The following TMEM74 variants were observed in gnomAD, a reference collection of about 807,000 sequenced individuals.
The protein encoded by TMEM74 is transmembrane protein 74.
A neutral mutation model predicts 18.1 loss-of-function variants in TMEM74; 13 were observed. The ratio of observed to expected loss-of-function variants is 0.72; its 90% CI spans 0.47 to 1.14. The LOEUF (loss-of-function observed/expected upper bound fraction) is 1.14. Among genes scored for constraint, TMEM74 ranks in the 50% most tolerant of loss-of-function variants. The pLI is 0.00. For missense variants in TMEM74, 372 were observed against 375.9 expected (o/e 0.99, Z 0.09); for synonymous variants, 159 against 146.6 (o/e 1.08, Z -0.61).
At chr8:108,764,322 A>G (rs1330578810) in intron 1 of TMEM74, among the ~76,000 whole-genome samples, 3 of 152,176 alleles carry the variant, frequency 2.0e-5, no homozygotes, top group Admixed American at 6.5e-5. Flanking sequence ...GTCAGGACTA[A>G]ACAAACAAAC....
At chr8:108,629,889 T>C (rs1274962953) in intron 2 of TMEM74, among the ~76,000 whole-genome samples, 1 of 151,842 alleles carries the variant, frequency 6.6e-6, no homozygotes, top group Non-Finnish European at 1.5e-5. Flanking sequence ...CACACCAAAA[T>C]ATAAAAACCA....
chr8:108,665,755 T>C (rs1253111546), intron 1 of TMEM74, among the ~76,000 whole-genome samples: 1 of 152,136 alleles, frequency 6.6e-6, no homozygotes, highest in Non-Finnish European at 1.5e-5. Flanking sequence ...ACTTCTTTAT[T>C]GAATAGATAA....
chr8:108,629,360 G>T (rs1812527519), intron 2 of TMEM74, among the ~76,000 whole-genome samples: 1 of 151,974 alleles, frequency 6.6e-6, no homozygotes, highest in Non-Finnish European at 1.5e-5. Context: ...ATGATTGATT[G>T]GTATACCTGA....
At chr8:108,609,845 G>T (rs1471969385) in intron 2 of TMEM74, among the ~76,000 whole-genome samples, 1 of 152,144 alleles carries the variant, frequency 6.6e-6, no homozygotes, top group African/African-American at 2.4e-5. Context: ...TCAAGCAATT[G>T]CTTAAGCATG....
chr8:108,758,316 T>G (rs1470528764), intron 1 of TMEM74, among the ~76,000 whole-genome samples: 1 of 152,018 alleles, frequency 6.6e-6, no homozygotes, highest in African/African-American at 2.4e-5. Flanking sequence ...TCCCTAAAAT[T>G]TATATCCTCT....
chr8:108,675,481 T>C (rs1184686612), intron 1 of TMEM74, among the ~76,000 whole-genome samples: 5 of 152,172 alleles, frequency 3.3e-5, no homozygotes, highest in Non-Finnish European at 4.4e-5. Flanking sequence ...CTGCCATCTA[T>C]GTCCATCGAA....
intron 1 of TMEM74, among the ~76,000 whole-genome samples, chr8:108,656,596 T>C (rs1812823735): frequency 6.6e-6 from 1 of 152,164 alleles, no homozygotes; most frequent in Admixed American, 6.5e-5. Flanking sequence ...ATGATTTCAT[T>C]AAGACAAGAC....
At position 108,703,755 on chromosome 8, in the gene TMEM74, G is replaced by A. The variant is rs566302476; in HGVS notation, n.120-48318C>T. On this transcript the variant is annotated intron_variant and non_coding_transcript_variant, in intron 1 of 3. Coordinates refer to the TMEM74 transcript ENST00000518838. The stretch of plus-strand genomic sequence containing the variant: ...CTGCGGTCAATGGCAAGTAAACAGA[G>A]GGAATGAATCTCTTTCTCAGAGCTA... Among the ~76,000 whole-genome samples, 136 of 152,312 alleles carry A rather than the reference G, an allele frequency of 8.9e-4. 2 individuals are homozygous for A. The highest frequency in any genetic ancestry group is 3.2e-3 in the African/African-American group (134 of 41,574).
intron 1 of TMEM74, among the ~76,000 whole-genome samples, chr8:108,678,665 G>A (rs1267729153): frequency 3.3e-5 from 5 of 150,404 alleles, no homozygotes; most frequent in African/African-American, 1.2e-4. Flanking sequence ...AATTTGCTTA[G>A]GTTCTCTTTT....
chr8:108,756,112 T>C (rs537270817), intron 1 of TMEM74, among the ~76,000 whole-genome samples: 5 of 152,046 alleles, frequency 3.3e-5, no homozygotes, highest in Non-Finnish European at 5.9e-5. Context: ...TGAACTTTCA[T>C]AGTTATTTAA....
chr8:108,776,938 A>C (rs1171878897), downstream of TMEM74, among the ~76,000 whole-genome samples: 1 of 152,192 alleles, frequency 6.6e-6, no homozygotes, highest in East Asian at 1.9e-4. Flanking sequence ...GCCGATAATC[A>C]ACATGAACAT....
intron 1 of TMEM74, among the ~76,000 whole-genome samples, chr8:108,657,879 T>TATATATATATTAATTAC (rs1554630291): frequency 1.3e-3 from 106 of 82,678 alleles, no homozygotes; most frequent in East Asian, 4.8e-3. Flanking sequence ...TATATATATA[T>TATATATATATTAATTAC]ATATATATAT....
chr8:108,659,991 G>A (rs1354011774), intron 1 of TMEM74, among the ~76,000 whole-genome samples: 1 of 152,134 alleles, frequency 6.6e-6, no homozygotes, highest in Non-Finnish European at 1.5e-5. Context: ...AAGGCATCAG[G>A]CCTGCATTGC....
chr8:108,712,174 T>C (rs1813481658), intron 1 of TMEM74, among the ~76,000 whole-genome samples: 1 of 152,066 alleles, frequency 6.6e-6, no homozygotes, highest in African/African-American at 2.4e-5. Context: ...ATGCTTAAGT[T>C]TGAGAACCAG....
At chr8:108,627,993 G>A (rs770226249) in intron 2 of TMEM74, among the ~76,000 whole-genome samples, 2 of 152,042 alleles carry the variant, frequency 1.3e-5, no homozygotes, top group Non-Finnish European at 2.9e-5. Flanking sequence ...GGGTGGTGAA[G>A]GTTGCAATTA....
At chr8:108,656,074 ATT>A (rs1194838329) in intron 1 of TMEM74, among the ~76,000 whole-genome samples, 1 of 152,108 alleles carries the variant, frequency 6.6e-6, no homozygotes, top group African/African-American at 2.4e-5. Context: ...TCCTCTTTTC[ATT>A]CAAAAGGAAT....
At chr8:108,666,150 C>G (rs1812946891) in intron 1 of TMEM74, among the ~76,000 whole-genome samples, 1 of 152,118 alleles carries the variant, frequency 6.6e-6, no homozygotes, top group Non-Finnish European at 1.5e-5. Flanking sequence ...TCCAAACTCT[C>G]CAATTGAAAG....
At chr8:108,742,606 T>C (rs1813813024) in intron 1 of TMEM74, among the ~76,000 whole-genome samples, 1 of 152,222 alleles carries the variant, frequency 6.6e-6, no homozygotes, top group Non-Finnish European at 1.5e-5. Context: ...TTTATACTAT[T>C]CTTTTTCCTG....
chr8:108,717,618 A>T (rs1487271256), intron 1 of TMEM74, among the ~76,000 whole-genome samples: 6 of 152,142 alleles, frequency 3.9e-5, no homozygotes, highest in African/African-American at 1.4e-4. Context: ...AGTGAGTTGC[A>T]ATTTTAAACA....
Sources: allele counts gnomAD v4.1 joint callset (sites outside exome capture counted in the v4.1 genomes callset), GRCh38; gene constraint gnomAD v4.1.1; transcripts MANE v1.5; gene names NCBI Gene and HGNC (gene_info 2026-07-23, HGNC 2026-07-21).